The following OMA1 variants were observed in gnomAD, a reference collection of about 807,000 sequenced individuals.
OMA1 encodes OMA1 zinc metallopeptidase.
Under a neutral mutation model 30.9 loss-of-function variants are expected in OMA1, and 38 were observed. The ratio of observed to expected loss-of-function variants is 1.23; its 90% CI spans 0.95 to 1.61. The LOEUF (loss-of-function observed/expected upper bound fraction) is 1.61, where lower values mean the gene tolerates loss of function less well. OMA1 is among the 40% of genes most tolerant of loss of function. The probability of loss-of-function intolerance (pLI) is 0.00; values close to 1 mark genes in which losing one functional copy is unlikely to be tolerated. For missense variants in OMA1, 461 were observed against 349.2 expected, an observed-to-expected ratio of 1.32 and a Z score of -2.55; for synonymous variants, 173 against 121.9, an observed-to-expected ratio of 1.42 and a Z score of -2.76.
chr1:58,485,483 C>T (rs1645561916), intron 8 of OMA1, among the ~76,000 whole-genome samples: 1 of 151,956 alleles, frequency 6.6e-6, no homozygotes, highest in Non-Finnish European at 1.5e-5. Context: ...CATGTGTGAA[C>T]TGTTTCTCCT....
chr1:58,491,197 T>C (rs914588978), intron 8 of OMA1, among the ~76,000 whole-genome samples: 4 of 152,076 alleles, frequency 2.6e-5, no homozygotes, highest in Admixed American at 6.5e-5. Context: ...TAAAATACTT[T>C]ACAGACAAGC....
At chr1:58,525,540 A>G (rs1646335790) in intron 7 of OMA1, among the ~76,000 whole-genome samples, 1 of 152,144 alleles carries the variant, frequency 6.6e-6, no homozygotes. Context: ...ATACAAAAAA[A>G]TTTCAAAACA....
chr1:58,510,475 G>A (rs1017141887), intron 7 of OMA1, among the ~76,000 whole-genome samples: 8 of 151,822 alleles, frequency 5.3e-5, no homozygotes, highest in East Asian at 1.9e-4. Context: ...AAATTATCTC[G>A]ACATAATTAT....
intron 8 of OMA1, among the ~76,000 whole-genome samples, chr1:58,489,875 G>A (rs1422058354): frequency 6.6e-6 from 1 of 152,218 alleles, no homozygotes; most frequent in Non-Finnish European, 1.5e-5. Context: ...ACCTGCAGCT[G>A]AGGGTCCTGA....
At chr1:58,482,018 T>C (rs1372266584) in intron 8 of OMA1, among the ~76,000 whole-genome samples, 1 of 152,200 alleles carries the variant, frequency 6.6e-6, no homozygotes, top group Non-Finnish European at 1.5e-5. Flanking sequence ...ATCATGACAA[T>C]TTTTAACTCC....
intron 8 of OMA1, among the ~76,000 whole-genome samples, chr1:58,491,326 A>G (rs931035065): frequency 6.6e-6 from 1 of 152,200 alleles, no homozygotes; most frequent in Non-Finnish European, 1.5e-5. Context: ...AATTGTAAAG[A>G]CCATCAAGGC....
intron 7 of OMA1, among the ~76,000 whole-genome samples, chr1:58,514,315 C>T (rs924421954): frequency 6.6e-6 from 1 of 152,128 alleles, no homozygotes; most frequent in Non-Finnish European, 1.5e-5. Flanking sequence ...AAAAATTGTT[C>T]TTATAATTTC....
intron 8 of OMA1, among the ~76,000 whole-genome samples, chr1:58,498,410 C>CTCT (rs1645841440): frequency 6.6e-6 from 1 of 152,014 alleles, no homozygotes; most frequent in African/African-American, 2.4e-5. Context: ...TTACTACCAC[C>CTCT]TCTATTTCCA....
chr1:58,507,217 A>G (rs544961881), intron 7 of OMA1, among the ~76,000 whole-genome samples: 1 of 152,050 alleles, frequency 6.6e-6, no homozygotes, highest in Admixed American at 6.5e-5. Flanking sequence ...TCTTTCTATA[A>G]TAAGTAACTG....
Position 58,506,205 on chromosome 1 carries a change from C to T in OMA1, c.1220G>A (p.Cys407Tyr), listed in dbSNP as rs1645986852. 1.2e-6 allele frequency: 1 copy of T among 867,318 alleles called. No homozygotes were observed. Among genetic ancestry groups the T allele is most frequent in the African/African-American group, 1.6e-5 (1 of 61,246 alleles). The allele number at this position is 867,318 out of a possible 1,614,324, so 53.7% of individuals were successfully genotyped here. A position where few individuals can be genotyped will look rare whatever the true frequency, so the allele number is the denominator to read the frequency against. The change falls in exon 8 of 9, where the codon TGT (cysteine) becomes TAT (tyrosine). Residue 407 changes from cysteine to tyrosine, a missense_variant. Coordinates refer to ENST00000371226, the MANE Select transcript of OMA1 (RefSeq NM_145243.5). The stretch of plus-strand genomic sequence containing the variant: ...CACTGAACTGGCTCTTATGTCTGCA[C>T]AAGCCTAAAACCAAAATTAGTAAAA... ...KIGLLLAAKACADIRASSVFW... is the reference protein window; with the variant it reads ...KIGLLLAAKAYADIRASSVFW...
rs779288032 is a variant in OMA1, at chr1:58,527,296, C to T, written c.1180G>A (p.Glu394Lys). The change falls in exon 7 of 9, where the codon GAA (glutamate) becomes AAA (lysine). Residue 394 changes from glutamate to lysine, a missense_variant. Physicochemically the swap from Glu to Lys is moderately conservative, Grantham distance 56 (BLOSUM62 1). Transcript: ENST00000371226. ...AGCAGTAGTCCAATTTTGTCAGCTT[C>T]GGCCTCCAATTTTCTGCTGTATGGT... ...NRPYSRKLEA[E>K]ADKIGLLLAA... 3.3e-5 allele frequency: 29 copies of T among 872,110 alleles called. No homozygotes were observed. Among genetic ancestry groups the T allele is most frequent in the Non-Finnish European group, 5.2e-5 (26 of 501,246 alleles). 54.0% of individuals were successfully genotyped at this position (872,110 alleles called of 1,614,324 possible). A position where few individuals can be genotyped will look rare whatever the true frequency, so the allele number is the denominator to read the frequency against.
At position 58,481,150 on chromosome 1, in the gene OMA1, T is replaced by C. The variant is rs771868857; in HGVS notation, c.1390A>G (p.Asn464Asp). The change falls in exon 9 of 9, where the codon AAT (asparagine) becomes GAT (aspartate). Residue 464 changes from asparagine (N) to aspartate (D), a missense_variant. Asn to Asp is a conservative substitution (Grantham distance 23, BLOSUM62 1). Transcript: ENST00000371226. ...TCTGGATTAGACAGTGGTGGACAAT[T>C]ACACATCTCTCTAATTTTGAGAGCC... ...PQALKIREMC[N>D]CPPLSNPDPR... The C allele has an allele frequency of 4.7e-6, 4 of 852,928 alleles. No homozygotes were observed. The highest frequency in any genetic ancestry group is 6.1e-6 in the Non-Finnish European group (3 of 492,880). 52.8% of individuals were successfully genotyped at this position (852,928 alleles called of 1,614,324 possible).
chr1:58,535,950 G>C (rs1027654949), intron 3 of OMA1, among the ~76,000 whole-genome samples: 2 of 151,828 alleles, frequency 1.3e-5, no homozygotes, highest in African/African-American at 4.9e-5. Context: ...TATATACTAA[G>C]CTCTACTCTT....
chr1:58,498,020 G>T (rs1260329705), intron 8 of OMA1, among the ~76,000 whole-genome samples: 4 of 151,952 alleles, frequency 2.6e-5, no homozygotes, highest in African/African-American at 9.7e-5. Context: ...ATGAAGCATA[G>T]AGAGAAAATT....
At chr1:58,520,589 C>T (rs953584768) in intron 7 of OMA1, among the ~76,000 whole-genome samples, 6 of 152,134 alleles carry the variant, frequency 3.9e-5, no homozygotes, top group Admixed American at 1.3e-4. Context: ...GGGCTACACA[C>T]ACAAGAACAC....
chr1:58,501,744 G>A (rs4912196), intron 8 of OMA1, among the ~76,000 whole-genome samples: 11,495 of 152,146 alleles, frequency 0.076, 469 homozygotes, highest in Middle Eastern at 0.16. Context: ...GTGTGCTAAG[G>A]ACTCATGTGT....
intron 2 of OMA1, among the ~76,000 whole-genome samples, chr1:58,537,062 T>TTCTCTCTCTCTCTC (rs150887072): frequency 1.4e-5 from 2 of 145,914 alleles, no homozygotes; most frequent in East Asian, 4.0e-4. Flanking sequence ...ACATGCAAAA[T>TTCTCTCTCTCTCTC]TCTCTCTCTC....
Position 58,481,149 on chromosome 1 carries a change from T to C in OMA1, c.1391A>G (p.Asn464Ser), listed in dbSNP as rs1356433662. ...PQALKIREMC[N>S]CPPLSNPDPR... ...GTCTGGATTAGACAGTGGTGGACAA[T>C]TACACATCTCTCTAATTTTGAGAGC... Residue 464 changes from asparagine to serine, a missense_variant, in exon 9 of 9, where the codon AAT becomes AGT. Coordinates refer to ENST00000371226, the MANE Select transcript of OMA1 (RefSeq NM_145243.5). 3.5e-6 allele frequency: 3 copies of C among 852,436 alleles called. No individual in the cohort carries two copies. Among genetic ancestry groups the C allele is most frequent in the Non-Finnish European group, 6.1e-6 (3 of 492,558 alleles). The allele number at this position is 852,436 out of a possible 1,614,324, so 52.8% of individuals were successfully genotyped here.
At chr1:58,494,449 A>G (rs1397782155) in intron 8 of OMA1, among the ~76,000 whole-genome samples, 1 of 152,230 alleles carries the variant, frequency 6.6e-6, no homozygotes, top group African/African-American at 2.4e-5. Flanking sequence ...GCTTCTGCAC[A>G]GCAAAAGAAA....
Sources: gnomAD v4.1 joint callset for allele counts (sites outside exome capture counted in the v4.1 genomes callset) on GRCh38, gnomAD v4.1.1 for gene constraint, MANE v1.5 for transcripts, NCBI Gene and HGNC (gene_info 2026-07-23, HGNC 2026-07-21) for gene names.